The following LIPI variants were observed in gnomAD, a reference collection of about 807,000 sequenced individuals.
The protein encoded by LIPI is lipase I, also known as lipase member I.
Under a neutral mutation model 50.6 loss-of-function variants are expected in LIPI, and 59 were observed. The ratio of observed to expected loss-of-function variants is 1.16; its 90% CI spans 0.94 to 1.45. The LOEUF is 1.45. LIPI is among the 40% of genes most tolerant of loss of function. LIPI has a pLI of 0.00. For synonymous variants in LIPI, 203 were observed against 178.2 expected (o/e 1.14, Z -1.11); for missense variants, 586 against 536.3 (o/e 1.09, Z -0.92).
intron 8 of LIPI, among the ~76,000 whole-genome samples, chr21:14,151,994 A>G (rs1249915455): frequency 6.6e-6 from 1 of 152,032 alleles, no homozygotes; most frequent in East Asian, 1.9e-4. Flanking sequence ...TTAGAAGGCA[A>G]TATGGTTAGG....
intron 9 of LIPI, among the ~76,000 whole-genome samples, chr21:14,133,264 T>C (rs925925972): frequency 1.3e-5 from 2 of 152,268 alleles, no homozygotes; most frequent in East Asian, 1.9e-4. Flanking sequence ...TCAAATGCCA[T>C]AGCACATTAA....
chr21:14,177,060 T>C (rs116169044), intron 4 of LIPI, among the ~76,000 whole-genome samples: 3,936 of 152,274 alleles, frequency 0.026, 66 homozygotes, highest in Admixed American at 0.032. Flanking sequence ...TTAATTAAAA[T>C]TATTCACTAT....
chr21:14,196,040 C>T (rs1020703846), intron 1 of LIPI, among the ~76,000 whole-genome samples: 2 of 150,918 alleles, frequency 1.3e-5, no homozygotes, highest in Admixed American at 1.3e-4. Flanking sequence ...AGGTTACATG[C>T]ACTTATATGA....
intron 9 of LIPI, 68 bp from the exon 10 acceptor site, chr21:14,109,148 C>T: frequency 2.4e-6 from 3 of 1,249,394 alleles, no homozygotes; most frequent in Non-Finnish European, 3.5e-6. Context: ...TGATTTCCTT[C>T]TCTCATTAAT....
chr21:14,170,552 G>C (rs982788179), intron 4 of LIPI, among the ~76,000 whole-genome samples: 2 of 152,150 alleles, frequency 1.3e-5, no homozygotes, highest in Non-Finnish European at 2.9e-5. Context: ...ATGCAAGGCT[G>C]GTTCAATATA....
chr21:14,126,943 T>C (rs1344606304), intron 9 of LIPI, among the ~76,000 whole-genome samples: 1 of 152,222 alleles, frequency 6.6e-6, no homozygotes, highest in East Asian at 1.9e-4. Context: ...TAACTCTTTG[T>C]ATGTATGAAA....
chr21:14,140,498 T>G (rs2017666737), intron 9 of LIPI, among the ~76,000 whole-genome samples: 1 of 152,120 alleles, frequency 6.6e-6, no homozygotes, highest in South Asian at 2.1e-4. Context: ...AGTTTTAATT[T>G]TGTATATTTG....
At chr21:14,193,799 G>C (rs1690349181) in intron 1 of LIPI, among the ~76,000 whole-genome samples, 1 of 151,816 alleles carries the variant, frequency 6.6e-6, no homozygotes, top group Non-Finnish European at 1.5e-5. Flanking sequence ...TTAATCAAAA[G>C]TAAAACTTTT....
rs142008618 is a variant in LIPI, at chr21:14,127,758, C to T, written c.1295+16865G>A. On this transcript the variant is annotated intron_variant, in intron 9 of 9. Transcript: ENST00000681601. ...GCAGAGAACAATGGTTGTGTGCTCA[C>T]CAACATTCTGTACTAAGGTGTAAAT... is the stretch of plus-strand genomic sequence containing the variant. Among the ~76,000 whole-genome samples the T allele has an allele frequency of 7.0e-3, 1,067 of 152,156 alleles. 18 individuals are homozygous for T. Among genetic ancestry groups the T allele is most frequent in the African/African-American group, 0.022 (899 of 41,540 alleles).
intron 4 of LIPI, among the ~76,000 whole-genome samples, chr21:14,171,586 G>C (rs2018909438): frequency 6.6e-6 from 1 of 150,524 alleles, no homozygotes; most frequent in Admixed American, 6.6e-5. Context: ...TCTGATCTTT[G>C]ACAAACCTGA....
intron 1 of LIPI, among the ~76,000 whole-genome samples, chr21:14,200,684 G>T (rs2020022562): frequency 6.6e-6 from 1 of 151,760 alleles, no homozygotes; most frequent in Admixed American, 6.6e-5. Context: ...TGACCATACT[G>T]CCCAAAGCAA....
chr21:14,201,098 C>A (rs2020036993), intron 1 of LIPI, among the ~76,000 whole-genome samples: 1 of 152,050 alleles, frequency 6.6e-6, no homozygotes, highest in Non-Finnish European at 1.5e-5. Flanking sequence ...ACATCATATA[C>A]AAAAATTAAC....
intron 9 of LIPI, among the ~76,000 whole-genome samples, chr21:14,134,792 G>A (rs76896236): frequency 0.027 from 4,142 of 151,994 alleles, 182 homozygotes; most frequent in African/African-American, 0.091. Context: ...AGGTTAATTC[G>A]AGATAAATTG....
At chr21:14,171,563 A>C (rs938918813) in intron 4 of LIPI, among the ~76,000 whole-genome samples, 8 of 150,520 alleles carry the variant, frequency 5.3e-5, no homozygotes, top group Non-Finnish European at 1.0e-4. Flanking sequence ...ACAATGCCGC[A>C]TATCTACAAC....
At chr21:14,201,783 G>A (rs1309708395) in intron 1 of LIPI, among the ~76,000 whole-genome samples, 1 of 152,142 alleles carries the variant, frequency 6.6e-6, no homozygotes, top group African/African-American at 2.4e-5. Flanking sequence ...CACAAGACAG[G>A]GATGCCCTCT....
intron 1 of LIPI, among the ~76,000 whole-genome samples, chr21:14,200,956 A>G (rs2020031438): frequency 6.6e-6 from 1 of 152,098 alleles, no homozygotes; most frequent in African/African-American, 2.4e-5. Flanking sequence ...CCCAGACATA[A>G]TGCTGCACAC....
At chr21:14,183,740 G>A (rs1370390460) in intron 3 of LIPI, among the ~76,000 whole-genome samples, 3 of 152,144 alleles carry the variant, frequency 2.0e-5, no homozygotes, top group Non-Finnish European at 4.4e-5. Context: ...CATCATCACT[G>A]GCCATCAGAG....
intron 9 of LIPI, among the ~76,000 whole-genome samples, chr21:14,115,938 G>T (rs1485213937): frequency 6.6e-6 from 1 of 152,134 alleles, no homozygotes; most frequent in Non-Finnish European, 1.5e-5. Context: ...AAATGGGCTG[G>T]AAGAGTGGCA....
chr21:14,140,100 A>G (rs1187121141), intron 9 of LIPI, among the ~76,000 whole-genome samples: 1 of 152,130 alleles, frequency 6.6e-6, no homozygotes, highest in Non-Finnish European at 1.5e-5. Flanking sequence ...ACTCTGGACA[A>G]CAAATTATAG....
Sources: gnomAD v4.1 joint callset for allele counts (sites outside exome capture counted in the v4.1 genomes callset) on GRCh38, gnomAD v4.1.1 for gene constraint, MANE v1.5 for transcripts, NCBI Gene and HGNC (gene_info 2026-07-23, HGNC 2026-07-21) for gene names.